The following UNC5D variants were observed in gnomAD, a reference collection of about 807,000 sequenced individuals.
UNC5D encodes unc-5 netrin receptor D.
Under a neutral mutation model 105.4 loss-of-function variants are expected in UNC5D, and 39 were observed. The ratio of observed to expected loss-of-function variants is 0.37; its 90% CI spans 0.29 to 0.48. UNC5D has a LOEUF of 0.48. Among genes scored for constraint, UNC5D ranks in the 20% least tolerant of loss-of-function variants. UNC5D has a pLI of 0.98. For missense variants in UNC5D, 991 were observed against 1,202.4 expected (o/e 0.82, Z 2.60); for synonymous variants, 452 against 450.4 (o/e 1.00, Z -0.04).
intron 4 of UNC5D, among the ~76,000 whole-genome samples, chr8:35,602,185 C>T (rs1002163087): frequency 7.2e-5 from 11 of 152,230 alleles, no homozygotes; most frequent in African/African-American, 2.4e-4. Context: ...TGATGTGTTG[C>T]TGAGTTTGGT....
At chr8:35,516,394 G>A (rs1237303428) in intron 1 of UNC5D, among the ~76,000 whole-genome samples, 4 of 152,182 alleles carry the variant, frequency 2.6e-5, no homozygotes, top group Admixed American at 6.5e-5. Flanking sequence ...TGCACCAGAC[G>A]TTTGTACTTC....
chr8:35,578,225 CAAAAA>C (rs5890822), intron 3 of UNC5D, among the ~76,000 whole-genome samples: 1 of 59,204 alleles, frequency 1.7e-5, no homozygotes, highest in East Asian at 4.8e-4. Flanking sequence ...AACTCTGTCT[CAAAAA>C]AAAAAAAAAA....
At chr8:35,236,438 G>A (rs1052911094) in intron 1 of UNC5D, among the ~76,000 whole-genome samples, 8 of 150,554 alleles carry the variant, frequency 5.3e-5, no homozygotes, top group Admixed American at 2.0e-4. Flanking sequence ...GTCCCAGCCA[G>A]CCCTGGAGCT....
intron 1 of UNC5D, among the ~76,000 whole-genome samples, chr8:35,328,171 GA>G (rs1166500214): frequency 2.0e-5 from 3 of 152,112 alleles, no homozygotes; most frequent in Non-Finnish European, 4.4e-5. Context: ...CAAAAAATAA[GA>G]AAAGCTTGAA....
intron 7 of UNC5D, 121 bp downstream of exon 7, chr8:35,686,830 G>A: frequency 7.7e-7 from 1 of 1,295,888 alleles, no homozygotes; most frequent in Non-Finnish European, 1.0e-6. Flanking sequence ...GCTGCTAAGG[G>A]CAAAAATAAA....
chr8:35,574,928 C>T (rs981209738), intron 3 of UNC5D, among the ~76,000 whole-genome samples: 3 of 152,094 alleles, frequency 2.0e-5, no homozygotes, highest in African/African-American at 7.2e-5. Context: ...TCCAATCTCT[C>T]CCTAAATCCA....
At chr8:35,399,423 T>C (rs1346103728) in intron 1 of UNC5D, among the ~76,000 whole-genome samples, 1 of 152,016 alleles carries the variant, frequency 6.6e-6, no homozygotes, top group Non-Finnish European at 1.5e-5. Flanking sequence ...CTGCTATAAT[T>C]TTGCTATTTT....
chr8:35,486,049 G>A (rs1327552174), intron 1 of UNC5D, among the ~76,000 whole-genome samples: 1 of 152,004 alleles, frequency 6.6e-6, no homozygotes, highest in Non-Finnish European at 1.5e-5. Flanking sequence ...TTTCTAGGCA[G>A]TAATTTACCT....
chr8:35,522,603 T>G (rs2579892), intron 1 of UNC5D, among the ~76,000 whole-genome samples: 70,170 of 152,066 alleles, frequency 0.46, 20,352 homozygotes, highest in African/African-American at 0.82. Context: ...TCTCCATGCT[T>G]TATGGTAGAA....
intron 1 of UNC5D, among the ~76,000 whole-genome samples, chr8:35,513,138 C>A (rs1812869523): frequency 2.0e-5 from 3 of 152,010 alleles, no homozygotes; most frequent in Admixed American, 6.6e-5. Context: ...TTCGCACTTG[C>A]TATTCTGGGT....
chr8:35,250,282 G>A lies in UNC5D; in HGVS notation c.103+14395G>A, dbSNP rs544756151. Among the ~76,000 whole-genome samples, 573 of 152,180 alleles carry A rather than the reference G, an allele frequency of 3.8e-3. 4 individuals are homozygous for A. The highest frequency in any genetic ancestry group is 5.3e-3 in the Non-Finnish European group (360 of 67,988). ...TTTGTTTGTTGTTGTTTGCTTGTTT[G>A]TTTGTTTGTTTTAAGTTCCTCAGGT... is the stretch of plus-strand genomic sequence containing the variant. On this transcript the variant is annotated intron_variant, in intron 1 of 16. Transcript: ENST00000404895.
chr8:35,458,873 T>C (rs1396856091), intron 1 of UNC5D, among the ~76,000 whole-genome samples: 1 of 152,162 alleles, frequency 6.6e-6, no homozygotes, highest in Non-Finnish European at 1.5e-5. Context: ...AAATTGGCAA[T>C]AAAGCATGGA....
intron 11 of UNC5D, among the ~76,000 whole-genome samples, chr8:35,739,119 C>T (rs1283018711): frequency 6.6e-6 from 1 of 152,110 alleles, no homozygotes; most frequent in Non-Finnish European, 1.5e-5. Flanking sequence ...TTCTTTCAGG[C>T]TACCAGTGCC....
At chr8:35,452,071 A>G (rs1045865516) in intron 1 of UNC5D, among the ~76,000 whole-genome samples, 12 of 152,136 alleles carry the variant, frequency 7.9e-5, no homozygotes, top group African/African-American at 2.4e-4. Context: ...AGGCAGTACC[A>G]TACATATCCA....
chr8:35,563,937 T>C (rs947912531), intron 2 of UNC5D, among the ~76,000 whole-genome samples: 3 of 152,124 alleles, frequency 2.0e-5, no homozygotes, highest in Non-Finnish European at 4.4e-5. Flanking sequence ...TATGTTGAAG[T>C]GTCCTCACCT....
intron 1 of UNC5D, among the ~76,000 whole-genome samples, chr8:35,249,559 AAATAATAATAAT>A (rs148177480): frequency 0.56 from 79,408 of 142,434 alleles, 22,417 homozygotes; most frequent in East Asian, 0.81. Context: ...CTCTGTCTCA[AAATAATAATAAT>A]AATAATAATA....
rs1690909111 is a variant in UNC5D, at chr8:35,248,850, ATATAATTC to A, written c.103+12970_103+12977del. Among the ~76,000 whole-genome samples the A allele has an allele frequency of 2.1e-5, 2 of 96,528 alleles. 1 individual carries two copies. The highest frequency in any genetic ancestry group is 8.5e-5 in the African/African-American group (2 of 23,416). 63.3% of individuals were successfully genotyped at this position (96,528 alleles called of 152,430 possible). ...TTTATATTTTAAAAATATATTTTATATATAATTCTATAATAATATAAAAATATATAATA... is the reference window on the plus strand; with the variant it reads ...TTTATATTTTAAAAATATATTTTATATATAATAATATAAAAATATATAATA... On this transcript the variant is annotated intron_variant, in intron 1 of 16. Transcript: ENST00000404895.
chr8:35,378,266 A>G (rs952585083), intron 1 of UNC5D, among the ~76,000 whole-genome samples: 4 of 152,196 alleles, frequency 2.6e-5, no homozygotes, highest in African/African-American at 7.2e-5. Flanking sequence ...ATCTTCTGCT[A>G]AAACAGAAAA....
intron 1 of UNC5D, among the ~76,000 whole-genome samples, chr8:35,463,407 G>A (rs1033711022): frequency 6.6e-6 from 1 of 152,124 alleles, no homozygotes; most frequent in South Asian, 2.1e-4. Flanking sequence ...GTTGTGAAAG[G>A]CAGTACCTGC....
Sources: gnomAD v4.1 joint callset for allele counts (sites outside exome capture counted in the v4.1 genomes callset) on GRCh38, gnomAD v4.1.1 for gene constraint, MANE v1.5 for transcripts, NCBI Gene and HGNC (gene_info 2026-07-23, HGNC 2026-07-21) for gene names.